Variants in ASPA observed in about 807,000 individuals in gnomAD.
ASPA encodes the protein ACY-2.
A neutral mutation model predicts 29.6 loss-of-function variants in ASPA; 25 were observed. That is an observed-to-expected ratio of 0.85 (90% CI 0.62 to 1.18). The LOEUF (loss-of-function observed/expected upper bound fraction) is 1.18. Ranked by LOEUF, ASPA falls within the 50% of genes most tolerant of loss-of-function variation. The pLI is 0.00. For synonymous variants in ASPA, 131 were observed against 130.3 expected, an observed-to-expected ratio of 1.01 and a Z score of -0.04; for missense variants, 333 against 385.7, an observed-to-expected ratio of 0.86 and a Z score of 1.14.
At chr17:3,477,419 A>T (rs1389870851) in intron 1 of ASPA, among the ~76,000 whole-genome samples, 2 of 152,196 alleles carry the variant, frequency 1.3e-5, no homozygotes, top group African/African-American at 4.8e-5. Context: ...TGTGGATATA[A>T]TATGACTCCA....
At position 3,498,961 on chromosome 17, in the gene ASPA, T is replaced by C; in HGVS notation, c.815T>C (p.Leu272Pro). The change falls in exon 6 of 6, where the codon CTG (leucine) becomes CCG (proline). Residue 272 changes from leucine (L) to proline (P), a missense_variant. Coordinates refer to ENST00000263080, the MANE Select transcript of ASPA (RefSeq NM_000049.4). ...FLTLDGKTIP[L>P]GGDCTVYPVF... ...ACTCTTGATGGGAAGACGATCCCACTGGGCGGAGACTGTACCGTGTACCCC... is the reference window on the plus strand; with the variant it reads ...ACTCTTGATGGGAAGACGATCCCACCGGGCGGAGACTGTACCGTGTACCCC... The C allele has an allele frequency of 1.2e-6, 2 of 1,613,332 alleles. No homozygotes were observed. Among genetic ancestry groups the C allele is most frequent in the Non-Finnish European group, 1.7e-6 (2 of 1,179,568 alleles).
In ASPA at chr17:3,476,136, A is replaced by G; in HGVS notation, c.-24A>G. Reference sequence around the variant, plus strand: ...TTGATCTCTCTTCTGAATTGCAGAAATCAGATAAAAACTACTTGGTGAAAT... The same window carrying G: ...TTGATCTCTCTTCTGAATTGCAGAAGTCAGATAAAAACTACTTGGTGAAAT... On this transcript the variant is annotated 5_prime_UTR_variant, in exon 1 of 6. Transcript: ENST00000263080. 6.3e-7 allele frequency: 1 copy of G among 1,593,766 alleles called. No individual in the cohort carries two copies. Among genetic ancestry groups the G allele is most frequent in the South Asian group, 1.1e-5 (1 of 90,648 alleles).
At position 3,476,408 on chromosome 17, in the gene ASPA, T is replaced by G. The variant is rs1331166050; in HGVS notation, c.236+13T>G. ...TTGAAAATCTTGGGTAAGACTATGCTTTGTATTGTATATGTATGTATGTTG... is the reference window on the plus strand; with the variant it reads ...TTGAAAATCTTGGGTAAGACTATGCGTTGTATTGTATATGTATGTATGTTG... On this transcript the variant is annotated intron_variant, in intron 1 of 5. Coordinates refer to ENST00000263080, the MANE Select transcript of ASPA (RefSeq NM_000049.4). 2.5e-6 allele frequency: 4 copies of G among 1,609,240 alleles called. No homozygotes were observed. Among genetic ancestry groups the G allele is most frequent in the Non-Finnish European group, 3.4e-6 (4 of 1,176,254 alleles).
intron 4 of ASPA, among the ~76,000 whole-genome samples, chr17:3,492,826 A>G (rs1449570855): frequency 6.6e-6 from 1 of 152,152 alleles, no homozygotes; most frequent in Non-Finnish European, 1.5e-5. Flanking sequence ...TCAGCTTACC[A>G]CAAAGGCAGG....
At chr17:3,487,085 T>TGTGTGTGA (rs201646723) in intron 3 of ASPA, among the ~76,000 whole-genome samples, 6 of 152,200 alleles carry the variant, frequency 3.9e-5, no homozygotes, top group African/African-American at 1.4e-4. Context: ...TGTGTGTGTG[T>TGTGTGTGA]GATCATAAGA....
At position 3,476,361 on chromosome 17, in the gene ASPA, G is replaced by T. The variant is rs1212502643; in HGVS notation, c.202G>T (p.Asp68Tyr). The change falls in exon 1 of 6, where the codon GAC becomes TAC. Residue 68 changes from aspartate (D) to tyrosine (Y), a missense_variant. Transcript: ENST00000263080. ...GAAGTGTACCAGATATATTGACTGT[G>T]ACCTGAATCGCATTTTTGACCTTGA... Reference protein sequence around the residue: ...VKKCTRYIDCDLNRIFDLENL... With the variant: ...VKKCTRYIDCYLNRIFDLENL... The T allele has an allele frequency of 6.2e-7, 1 of 1,614,130 alleles. No individual in the cohort carries two copies. Among genetic ancestry groups the T allele is most frequent in the East Asian group, 2.2e-5 (1 of 44,876 alleles).
At chr17:3,487,805 G>A (rs1274598515) in intron 3 of ASPA, among the ~76,000 whole-genome samples, 2 of 152,176 alleles carry the variant, frequency 1.3e-5, no homozygotes, top group Non-Finnish European at 2.9e-5. Flanking sequence ...ACTAATATCA[G>A]GATTCTATTA....
At chr17:3,484,060 C>T (rs8071141) in intron 3 of ASPA, among the ~76,000 whole-genome samples, 8,365 of 152,186 alleles carry the variant, frequency 0.055, 434 homozygotes, top group African/African-American at 0.13. Flanking sequence ...CTAATTGTAC[C>T]GAATTTCCCC....
chr17:3,482,895 T>G (rs2150747937), intron 2 of ASPA, among the ~76,000 whole-genome samples: 1 of 150,852 alleles, frequency 6.6e-6, no homozygotes, highest in African/African-American at 2.4e-5. Flanking sequence ...ACCCATTAAC[T>G]CGTCATTTAG....
chr17:3,484,445 C>T (rs563334043), intron 3 of ASPA, among the ~76,000 whole-genome samples: 2 of 152,250 alleles, frequency 1.3e-5, no homozygotes, highest in African/African-American at 4.8e-5. Flanking sequence ...GCAGGAAAGA[C>T]CTAACCCAGT....
intron 4 of ASPA, among the ~76,000 whole-genome samples, chr17:3,489,708 C>T (rs377599294): frequency 1.8e-4 from 27 of 152,254 alleles, no homozygotes; most frequent in South Asian, 1.0e-3. Context: ...AAATATCAAG[C>T]GTTGGTAAAT....
rs28940574 is a variant in ASPA, at chr17:3,499,060, C to T, written c.914C>T (p.Ala305Val). 6.2e-7 allele frequency: 1 copy of T among 1,613,988 alleles called. No homozygotes were observed. Among genetic ancestry groups the T allele is most frequent in the Non-Finnish European group, 8.5e-7 (1 of 1,179,976 alleles). The change falls in exon 6 of 6, where the codon GCA becomes GTA. Residue 305 changes from alanine to valine, a missense_variant. By Grantham distance (64) the Ala-to-Val change is moderately conservative. Transcript: ENST00000263080. The part of the protein sequence containing the change: ...FAKTTKLTLN[A>V]KSIRCCLH ...AAGACAACTAAACTAACGCTCAATGCAAAAAGTATTCGCTGCTGTTTACAT... is the reference window on the plus strand; with the variant it reads ...AAGACAACTAAACTAACGCTCAATGTAAAAAGTATTCGCTGCTGTTTACAT...
chr17:3,476,846 G>A (rs1357854345), intron 1 of ASPA, among the ~76,000 whole-genome samples: 2 of 152,192 alleles, frequency 1.3e-5, no homozygotes, highest in South Asian at 2.1e-4. Context: ...AAAATGTAAT[G>A]TTTCAAGTAA....
chr17:3,487,899 C>T (rs1319117602), intron 3 of ASPA, among the ~76,000 whole-genome samples: 1 of 152,198 alleles, frequency 6.6e-6, no homozygotes, highest in Non-Finnish European at 1.5e-5. Context: ...TCTACAAACA[C>T]ACTTTTTCAC....
At chr17:3,487,585 C>A (rs2073747684) in intron 3 of ASPA, among the ~76,000 whole-genome samples, 2 of 152,150 alleles carry the variant, frequency 1.3e-5, no homozygotes, top group Non-Finnish European at 2.9e-5. Flanking sequence ...TCTCTTATTG[C>A]TAAGCCTTTG....
At chr17:3,495,081 T>C (rs2073887187) in intron 5 of ASPA, among the ~76,000 whole-genome samples, 1 of 150,404 alleles carries the variant, frequency 6.6e-6, no homozygotes, top group African/African-American at 2.5e-5. Context: ...AATAATGACA[T>C]AGTGAAGAAG....
rs949821415 is a variant in ASPA at position 3,502,524 on chromosome 17, T to G, written c.*3436T>G. ...CCAGTCTATAAACTTCAGCATTCGT[T>G]GCGAAATCCAGAGGAGACTTTTAAG... is the stretch of plus-strand genomic sequence containing the variant. On this transcript the variant is annotated 3_prime_UTR_variant, in exon 6 of 6. Transcript: ENST00000263080. 3.9e-5 allele frequency: 6 copies of G among 152,250 alleles called. No individual in the cohort carries two copies. Among genetic ancestry groups the G allele is most frequent in the Non-Finnish European group, 8.8e-5 (6 of 68,044 alleles). 9.4% of individuals were successfully genotyped at this position (152,250 alleles called of 1,614,324 possible). A position where few individuals can be genotyped will look rare whatever the true frequency, so the allele number is the denominator to read the frequency against.
At chr17:3,494,260 T>A in intron 4 of ASPA, 90 bp from the exon 5 acceptor site, 1 of 991,480 alleles carries the variant, frequency 1.0e-6, no homozygotes. Context: ...CAACTCGGCC[T>A]CCCAAAGTGC....
rs1180639447 is a variant in ASPA, at chr17:3,501,304, T to TC, written c.*2218dup. On this transcript the variant is annotated 3_prime_UTR_variant, in exon 6 of 6. Transcript: ENST00000263080. ...CAGATGCCATTAAGAACATTCAGGA[T>TC]CCGTGGGAGGAGATCAAAATATCAA... The TC allele has an allele frequency of 6.6e-6, 1 of 152,214 alleles. No individual in the cohort carries two copies. Among genetic ancestry groups the TC allele is most frequent in the Non-Finnish European group, 1.5e-5 (1 of 68,066 alleles). 9.4% of individuals were successfully genotyped at this position (152,214 alleles called of 1,614,324 possible).
Sources: allele counts gnomAD v4.1 joint callset (sites outside exome capture counted in the v4.1 genomes callset), GRCh38; gene constraint gnomAD v4.1.1; transcripts MANE v1.5; gene names NCBI Gene and HGNC (gene_info 2026-07-23, HGNC 2026-07-21).